Variants in STARD3NL observed in about 807,000 individuals in gnomAD.
The protein encoded by STARD3NL is STARD3 N-terminal-like protein.
STARD3NL carries 17 observed loss-of-function variants against 30.9 expected under a neutral mutation model. The ratio of observed to expected loss-of-function variants is 0.55; its 90% confidence interval spans 0.38 to 0.82. STARD3NL has a LOEUF of 0.82. Among genes scored for constraint, STARD3NL ranks in the 40% least tolerant of loss-of-function variants. The pLI is 0.00. For missense variants in STARD3NL, 234 were observed against 277.6 expected, an observed-to-expected ratio of 0.84 and a Z score of 1.12; for synonymous variants, 112 against 100.5, an observed-to-expected ratio of 1.11 and a Z score of -0.69.
chr7:38,215,888 C>T (rs1205955384), intron 4 of STARD3NL: 1 of 152,238 alleles, frequency 6.6e-6, no homozygotes, highest in Non-Finnish European at 1.5e-5. Flanking sequence ...TGCTGCCCTC[C>T]TGAGTCCACT....
intron 1 of STARD3NL, among the ~76,000 whole-genome samples, chr7:38,191,595 A>G (rs1182481194): frequency 1.3e-5 from 2 of 152,124 alleles, no homozygotes; most frequent in Admixed American, 1.3e-4. Context: ...AGTTCTTTTC[A>G]GTTTTAATAT....
chr7:38,189,882 ACGTGTACAAAATT>A (rs1784610631), intron 1 of STARD3NL, among the ~76,000 whole-genome samples: 2 of 152,204 alleles, frequency 1.3e-5, no homozygotes, highest in South Asian at 4.1e-4. Context: ...ATACAAAGGT[ACGTGTACAAAATT>A]CATATGCATT....
At chr7:38,207,854 G>C in intron 2 of STARD3NL, 125 bp downstream of exon 2, 1 of 877,732 alleles carries the variant, frequency 1.1e-6, no homozygotes, top group South Asian at 1.8e-5. Flanking sequence ...TGAAGCCATT[G>C]CTTTTCTCCT....
intron 1 of STARD3NL, among the ~76,000 whole-genome samples, chr7:38,188,167 C>G (rs1784540492): frequency 6.6e-6 from 1 of 152,188 alleles, no homozygotes; most frequent in Admixed American, 6.5e-5. Context: ...CCATCTCATT[C>G]AGAGTAAGAC....
intron 1 of STARD3NL, among the ~76,000 whole-genome samples, chr7:38,189,622 T>G (rs1283193596): frequency 6.6e-6 from 1 of 152,232 alleles, no homozygotes; most frequent in African/African-American, 2.4e-5. Context: ...CTATTTCACA[T>G]ACACCTTATA....
intron 1 of STARD3NL, among the ~76,000 whole-genome samples, chr7:38,189,999 A>AT (rs1408666424): frequency 1.3e-5 from 2 of 152,060 alleles, no homozygotes; most frequent in Non-Finnish European, 1.5e-5. Context: ...TGGTCTCATG[A>AT]TTTTTTTGCC....
At chr7:38,198,157 A>G (rs141800517) in intron 1 of STARD3NL, 2 of 152,404 alleles carry the variant, frequency 1.3e-5, no homozygotes, top group African/African-American at 4.8e-5. Context: ...GACGATAGAG[A>G]GGAAAGAGCC....
At chr7:38,179,888 C>T (rs1420951310) in intron 1 of STARD3NL, among the ~76,000 whole-genome samples, 1 of 152,108 alleles carries the variant, frequency 6.6e-6, no homozygotes, top group Non-Finnish European at 1.5e-5. Flanking sequence ...AGTTTCTAGG[C>T]AGATATAAAC....
At position 38,207,615 on chromosome 7, in the gene STARD3NL, T is replaced by A; in HGVS notation, c.111T>A (p.Ile37=). Residue 37 remains isoleucine, a synonymous_variant, in exon 2 of 9, where the codon ATT becomes ATA. Transcript: ENST00000009041. The part of the protein sequence containing the change: ...SINPTQLMAR[I]ESYEGREKKG... ...ACCCCACACAACTCATGGCCAGGAT[T>A]GAGTCCTATGAAGGAAGGGAAAAGA... 6.2e-7 allele frequency: 1 copy of A among 1,614,086 alleles called. No homozygotes were observed. The highest frequency in any genetic ancestry group is 8.5e-7 in the Non-Finnish European group (1 of 1,179,952).
At chr7:38,178,632 C>T (rs1283957098) in intron 1 of STARD3NL, among the ~76,000 whole-genome samples, 1 of 152,188 alleles carries the variant, frequency 6.6e-6, no homozygotes, top group Non-Finnish European at 1.5e-5. Flanking sequence ...TTGCAGAATG[C>T]TGAGCCCCGC....
intron 4 of STARD3NL, chr7:38,216,043 C>T (rs1421040864): frequency 6.6e-6 from 1 of 152,240 alleles, no homozygotes; most frequent in African/African-American, 2.4e-5. Flanking sequence ...TTCCTGAATA[C>T]TCTTTTGCTG....
At chr7:38,209,154 T>C (rs1785651998) in intron 2 of STARD3NL, among the ~76,000 whole-genome samples, 1 of 152,246 alleles carries the variant, frequency 6.6e-6, no homozygotes, top group South Asian at 2.1e-4. Context: ...CATAGTAATT[T>C]AGAGTCTCTT....
intron 1 of STARD3NL, among the ~76,000 whole-genome samples, chr7:38,194,381 A>C (rs1243749167): frequency 6.6e-6 from 1 of 152,028 alleles, no homozygotes. Context: ...CCCACTCCCC[A>C]GGTTGCAACA....
At chr7:38,214,151 A>C (rs140180361) in intron 2 of STARD3NL, among the ~76,000 whole-genome samples, 184 of 152,380 alleles carry the variant, frequency 1.2e-3, no homozygotes, top group African/African-American at 4.3e-3. Context: ...ATACATTTAT[A>C]TCTGTTGAGT....
chr7:38,189,722 A>G lies in STARD3NL; in HGVS notation c.-59+11302A>G, dbSNP rs540423473. ...AATGACTTCTATCTATTAGTCATGCATGCTTTAGAAGCCTTTAACTACCTC... is the reference window on the plus strand; with the variant it reads ...AATGACTTCTATCTATTAGTCATGCGTGCTTTAGAAGCCTTTAACTACCTC... On this transcript the variant is annotated intron_variant, in intron 1 of 8. Coordinates refer to ENST00000009041, the MANE Select transcript of STARD3NL (RefSeq NM_032016.4). Among the ~76,000 whole-genome samples, 31 of 152,338 alleles carry G rather than the reference A, an allele frequency of 2.0e-4. 1 individual carries two copies. Among genetic ancestry groups the G allele is most frequent in the African/African-American group, 6.7e-4 (28 of 41,578 alleles).
At chr7:38,201,831 G>A (rs937306011) in intron 1 of STARD3NL, 1 of 152,388 alleles carries the variant, frequency 6.6e-6, no homozygotes, top group Non-Finnish European at 1.5e-5. Context: ...GGGACTACAG[G>A]TGTGCACTAC....
At chr7:38,212,723 A>G (rs1414453906) in intron 2 of STARD3NL, among the ~76,000 whole-genome samples, 1 of 152,188 alleles carries the variant, frequency 6.6e-6, no homozygotes, top group Non-Finnish European at 1.5e-5. Context: ...GGAAGGAAAG[A>G]ACTAACCTGA....
chr7:38,192,239 T>C lies in STARD3NL; in HGVS notation c.-59+13819T>C, dbSNP rs142659876. 2.5e-3 allele frequency among the ~76,000 whole-genome samples: 383 copies of C among 152,348 alleles called. 3 individuals carry two copies. The highest frequency in any genetic ancestry group is 8.7e-3 in the African/African-American group (361 of 41,580). On this transcript the variant is annotated intron_variant, in intron 1 of 8. Transcript: ENST00000009041. Reference sequence around the variant, plus strand: ...CCTGGATTGAAGGAATTGGTAAATATATGAATCACAAAATCATAAAAGTGA... The same window carrying C: ...CCTGGATTGAAGGAATTGGTAAATACATGAATCACAAAATCATAAAAGTGA...
intron 1 of STARD3NL, among the ~76,000 whole-genome samples, chr7:38,189,040 T>G (rs1784576119): frequency 6.6e-6 from 1 of 152,206 alleles, no homozygotes; most frequent in Admixed American, 6.5e-5. Flanking sequence ...ACAATTACTT[T>G]TATCTGCTGA....
Sources: allele counts gnomAD v4.1 joint callset (sites outside exome capture counted in the v4.1 genomes callset), GRCh38; gene constraint gnomAD v4.1.1; transcripts MANE v1.5; gene names NCBI Gene and HGNC (gene_info 2026-07-23, HGNC 2026-07-21).